The following SRRM1 variants were observed in gnomAD, a reference collection of about 807,000 sequenced individuals.
SRRM1 encodes the protein serine/arginine repetitive matrix protein 1.
Under a neutral mutation model 110.2 loss-of-function variants are expected in SRRM1, and 19 were observed. The observed-to-expected ratio is 0.17, with a 90% CI of 0.12 to 0.25. The LOEUF (loss-of-function observed/expected upper bound fraction) is 0.25. Among genes scored for constraint, SRRM1 ranks in the 10% least tolerant of loss-of-function variants. The pLI is 1.00. For missense variants in SRRM1, 918 were observed against 1,145.8 expected, an observed-to-expected ratio of 0.80 and a Z score of 2.87; for synonymous variants, 443 against 414.9, an observed-to-expected ratio of 1.07 and a Z score of -0.82.
chr1:24,646,123 A>G, intron 2 of SRRM1, 50 bp downstream of exon 2: 2 of 1,417,324 alleles, frequency 1.4e-6, no homozygotes, highest in South Asian at 2.3e-5. Flanking sequence ...CACTTACTTG[A>G]CTCAAGTTCT....
chr1:24,670,542 C>G (rs1017349740), intron 15 of SRRM1, among the ~76,000 whole-genome samples: 4 of 152,182 alleles, frequency 2.6e-5, no homozygotes, highest in Non-Finnish European at 5.9e-5. Context: ...CTGTCACCCA[C>G]GCTGAGTGCA....
intron 11 of SRRM1, 146 bp from the exon 12 acceptor site, chr1:24,662,514 A>G (rs1341862354): frequency 9.6e-6 from 6 of 623,604 alleles, no homozygotes; most frequent in South Asian, 2.6e-5. Flanking sequence ...CATTGATCAT[A>G]TATTGATAAT....
chr1:24,654,926 C>G lies in SRRM1; in HGVS notation c.1112C>G (p.Pro371Arg). Residue 371 changes from proline (P) to arginine (R), a missense_variant, in exon 9 of 17, where the codon CCA (proline) becomes CGA (arginine). Transcript: ENST00000323848. ...SSSSSRSRSP[P>R]KKPPKRTSSP... ...TCTTCATCTCGTTCACGGTCACCACCAAAGAAGCCTCCCAAGAGGACATCC... is the reference window on the plus strand; with the variant it reads ...TCTTCATCTCGTTCACGGTCACCACGAAAGAAGCCTCCCAAGAGGACATCC... 2 of 1,614,224 alleles carry G rather than the reference C, an allele frequency of 1.2e-6. No homozygotes were observed. Among genetic ancestry groups the G allele is most frequent in the East Asian group, 4.5e-5 (2 of 44,886 alleles).
chr1:24,652,951 G>A lies in SRRM1; in HGVS notation c.959G>A (p.Arg320Gln), dbSNP rs762320650. Residue 320 changes from arginine to glutamine, a missense_variant, in exon 8 of 17, where the codon CGG (arginine) becomes CAG (glutamine). Arg to Gln is a conservative substitution (Grantham distance 43). This residue lies in a region of SRRM1 where 456 missense variants were observed against 453.5 expected (regional missense o/e 1.01). Transcript: ENST00000323848. Reference sequence around the variant, plus strand: ...AGAAGGCGGCCAAGCCCAAGAAGGCGGCCATCTCCTCGAAGAAGAACTCCG... The same window carrying A: ...AGAAGGCGGCCAAGCCCAAGAAGGCAGCCATCTCCTCGAAGAAGAACTCCG... Reference protein sequence around the residue: ...SPRRRPSPRRRPSPRRRTPPR... With the variant: ...SPRRRPSPRRQPSPRRRTPPR... The A allele has an allele frequency of 1.1e-5, 18 of 1,613,794 alleles. No homozygotes were observed. Among genetic ancestry groups the A allele is most frequent in the Admixed American group, 6.7e-5 (4 of 59,980 alleles).
rs371511866 is a variant in SRRM1, at chr1:24,662,667, C to T, written c.1491C>T (p.Gly497=). ...RQNQQSSSDS[G]SSSSSEDERP... ...TTAATTTTGTAATTATAGACTCTGG[C>T]TCCTCCTCCTCCTCAGAAGATGAAC... is the stretch of plus-strand genomic sequence containing the variant. Residue 497 remains glycine, a synonymous_variant, in exon 12 of 17, where the codon GGC becomes GGT. Coordinates refer to ENST00000323848, the MANE Select transcript of SRRM1 (RefSeq NM_005839.4). The T allele has an allele frequency of 1.4e-4, 233 of 1,608,030 alleles. 2 individuals are homozygous for T. In the East Asian group the frequency reaches 2.5e-3, roughly 17 times the overall value.
chr1:24,662,137 A>C (rs562653447), intron 11 of SRRM1, among the ~76,000 whole-genome samples: 1 of 152,066 alleles, frequency 6.6e-6, no homozygotes, highest in African/African-American at 2.4e-5. Context: ...TTATTTTACT[A>C]TTTGCATTTT....
chr1:24,651,408 G>C lies in SRRM1; in HGVS notation c.522-1G>C. 6.2e-7 allele frequency: 1 copy of C among 1,611,966 alleles called. No homozygotes were observed. Among genetic ancestry groups the C allele is most frequent in the Non-Finnish European group, 8.5e-7 (1 of 1,179,146 alleles). ...CCTGAAAAAAATTACTTTCATCCTA[G>C]ACGCAAATCCAGATCTCCTTCCCCT... is the stretch of plus-strand genomic sequence containing the variant. On this transcript the variant is annotated splice_acceptor_variant, in intron 5 of 16. Coordinates refer to ENST00000323848, the MANE Select transcript of SRRM1 (RefSeq NM_005839.4). LOFTEE classifies it high-confidence loss of function.
At chr1:24,655,277 C>T in intron 9 of SRRM1, 148 bp downstream of exon 9, 1 of 975,012 alleles carries the variant, frequency 1.0e-6, no homozygotes, top group Non-Finnish European at 1.5e-6. Flanking sequence ...ATAAGCCTAC[C>T]TCTTTCCTGC....
chr1:24,666,633 T>C, intron 12 of SRRM1, 182 bp from the exon 13 acceptor site: 2 of 518,784 alleles, frequency 3.9e-6, no homozygotes, highest in South Asian at 2.2e-5. Flanking sequence ...GGCATGATTA[T>C]GGGTGCCTGT....
intron 9 of SRRM1, 76 bp from the exon 10 acceptor site, chr1:24,660,643 T>G (rs1666704909): frequency 3.0e-6 from 2 of 674,944 alleles, no homozygotes; most frequent in South Asian, 5.5e-5. Context: ...AATAAATTTT[T>G]AAAAATTAAA....
At chr1:24,655,457 G>A (rs1663537530) in intron 9 of SRRM1, among the ~76,000 whole-genome samples, 1 of 152,204 alleles carries the variant, frequency 6.6e-6, no homozygotes, top group Non-Finnish European at 1.5e-5. Context: ...TATGAGACCA[G>A]TTAACTTTTT....
At chr1:24,650,285 C>G (rs1659875693) in intron 5 of SRRM1, among the ~76,000 whole-genome samples, 199 bp downstream of exon 5, 1 of 152,230 alleles carries the variant, frequency 6.6e-6, no homozygotes, top group Non-Finnish European at 1.5e-5. Context: ...CCATGAGTGT[C>G]TCGCAGATGT....
intron 12 of SRRM1, among the ~76,000 whole-genome samples, chr1:24,664,436 G>A (rs1281869019): frequency 2.0e-5 from 3 of 152,210 alleles, no homozygotes; most frequent in Non-Finnish European, 4.4e-5. Context: ...TCTTAGGGCC[G>A]CAAAGTGACA....
At chr1:24,669,733 A>AT in intron 14 of SRRM1, 146 bp downstream of exon 14, 1 of 691,826 alleles carries the variant, frequency 1.4e-6, no homozygotes, top group Non-Finnish European at 2.4e-6. Context: ...ATCTTATTCC[A>AT]TTTTTTGGGA....
chr1:24,656,108 A>G lies in SRRM1; in HGVS notation c.1315+979A>G, dbSNP rs150265189. On this transcript the variant is annotated intron_variant, in intron 9 of 16. Coordinates refer to ENST00000323848, the MANE Select transcript of SRRM1 (RefSeq NM_005839.4). ...GAGAGAGAAAAAATTTCAGGTTAGA[A>G]ACAAAGAAATGGGGATGGGCAAAAT... 8.0e-3 allele frequency among the ~76,000 whole-genome samples: 1,214 copies of G among 152,268 alleles called. 7 individuals carry two copies. Among genetic ancestry groups the G allele is most frequent in the Non-Finnish European group, 0.013 (862 of 68,006 alleles).
intron 13 of SRRM1, among the ~76,000 whole-genome samples, chr1:24,667,721 A>G (rs1259693929): frequency 1.3e-5 from 2 of 152,180 alleles, no homozygotes; most frequent in Non-Finnish European, 2.9e-5. Context: ...GGAACAGAAA[A>G]GGGACATTCA....
intron 15 of SRRM1, 74 bp downstream of exon 15, chr1:24,670,389 T>A (rs1249537903): frequency 7.1e-7 from 1 of 1,403,178 alleles, no homozygotes; most frequent in Non-Finnish European, 9.6e-7. Context: ...GAAAATGTCA[T>A]TGGGGCATTA....
intron 8 of SRRM1, among the ~76,000 whole-genome samples, chr1:24,653,253 T>C (rs183436021): frequency 4.7e-4 from 71 of 152,330 alleles, no homozygotes; most frequent in Admixed American, 1.5e-3. Context: ...ATTCATCTTA[T>C]TGATACTTTT....
Position 24,669,269 on chromosome 1 carries a change from C to T in SRRM1, c.1886C>T (p.Pro629Leu), listed in dbSNP as rs1671565970. ...CCTAAACGAAGAGCATCACCATCTC[C>T]ACCACCAAAGCGGCGGGTCTCCCAT... ...PPPKRRASPS[P>L]PPKRRVSHSP... Residue 629 changes from proline to leucine, a missense_variant, in exon 14 of 17, where the codon CCA becomes CTA. Coordinates refer to ENST00000323848, the MANE Select transcript of SRRM1 (RefSeq NM_005839.4). 3 of 1,614,184 alleles carry T rather than the reference C, an allele frequency of 1.9e-6. No individual in the cohort carries two copies. Among genetic ancestry groups the T allele is most frequent in the African/African-American group, 2.7e-5 (2 of 75,030 alleles).
Sources: gnomAD v4.1 joint callset for allele counts (sites outside exome capture counted in the v4.1 genomes callset) on GRCh38, gnomAD v4.1.1 for gene constraint, gnomAD v4.1.1 regional missense constraint, MANE v1.5 for transcripts, NCBI Gene and HGNC (gene_info 2026-07-23, HGNC 2026-07-21) for gene names.